The following UGGT2 variants were observed in gnomAD, a reference collection of about 807,000 sequenced individuals.
The protein encoded by UGGT2 is UDP-glucose:glycoprotein glucosyltransferase 2.
A neutral mutation model predicts 192.1 loss-of-function variants in UGGT2; 180 were observed. The observed-to-expected ratio is 0.94, with a 90% CI of 0.83 to 1.06. The LOEUF (loss-of-function observed/expected upper bound fraction) is 1.06, where lower values mean the gene tolerates loss of function less well. Among genes scored for constraint, UGGT2 ranks in the 50% least tolerant of loss-of-function variants. The pLI, the probability that UGGT2 is intolerant of heterozygous loss-of-function variation, is 0.00. For missense variants in UGGT2, 1,849 were observed against 1,795.7 expected, an observed-to-expected ratio of 1.03 and a Z score of -0.54; for synonymous variants, 580 against 591.0, an observed-to-expected ratio of 0.98 and a Z score of 0.27.
intron 15 of UGGT2, among the ~76,000 whole-genome samples, chr13:95,942,785 G>A: frequency 6.6e-6 from 1 of 151,942 alleles, no homozygotes; most frequent in East Asian, 1.9e-4. Context: ...ATGGGCACTG[G>A]TTTTCATTTG....
rs376931012 is a variant in UGGT2, at chr13:95,944,976, T to A, written c.1677+2061A>T. On this transcript the variant is annotated intron_variant, in intron 15 of 38. Coordinates refer to ENST00000376747, the MANE Select transcript of UGGT2 (RefSeq NM_020121.4). Reference sequence around the variant, plus strand: ...TTGTATTGTATATTTTGAAGCTACATACAACTTTAGTACTTTTTCTTAAAG... The same window carrying A: ...TTGTATTGTATATTTTGAAGCTACAAACAACTTTAGTACTTTTTCTTAAAG... 1.9e-4 allele frequency among the ~76,000 whole-genome samples: 29 copies of A among 152,118 alleles called. No homozygotes were observed. The South Asian group carries it at 6.0e-3, about 32-fold the overall frequency.
chr13:95,977,764 T>G (rs145660579), intron 10 of UGGT2, among the ~76,000 whole-genome samples: 16 of 152,266 alleles, frequency 1.1e-4, no homozygotes, highest in African/African-American at 3.6e-4. Context: ...GCAGCATTAT[T>G]TACAACAGCA....
chr13:95,943,037 T>G (rs2049742654), intron 15 of UGGT2, among the ~76,000 whole-genome samples: 1 of 152,146 alleles, frequency 6.6e-6, no homozygotes, highest in Non-Finnish European at 1.5e-5. Flanking sequence ...GTAATGTCAC[T>G]TCTGTATTCT....
intron 7 of UGGT2, chr13:95,991,314 C>T (rs7317285): frequency 0.4 from 113,566 of 286,196 alleles, 23,158 homozygotes; most frequent in Middle Eastern, 0.44. Flanking sequence ...TCTTCCACAA[C>T]GGTTGAACTC....
chr13:95,945,184 A>G (rs1034226550), intron 15 of UGGT2, among the ~76,000 whole-genome samples: 3 of 152,038 alleles, frequency 2.0e-5, no homozygotes, highest in Admixed American at 2.0e-4. Context: ...TCACATTTCA[A>G]TAACTTCCAT....
chr13:95,928,305 C>A (rs1007862342), intron 17 of UGGT2, among the ~76,000 whole-genome samples: 5 of 151,468 alleles, frequency 3.3e-5, no homozygotes, highest in Non-Finnish European at 7.4e-5. Context: ...GGCTGCCCCC[C>A]ACCTCCCCGA....
At chr13:95,826,195 T>G (rs941457025) in intron 38 of UGGT2, among the ~76,000 whole-genome samples, 1 of 152,106 alleles carries the variant, frequency 6.6e-6, no homozygotes, top group Non-Finnish European at 1.5e-5. Context: ...AATATTAAAA[T>G]AGGAATCAAT....
chr13:96,029,824 A>G (rs2052778935), intron 2 of UGGT2, among the ~76,000 whole-genome samples: 1 of 152,234 alleles, frequency 6.6e-6, no homozygotes, highest in Non-Finnish European at 1.5e-5. Context: ...TGCGTCTCCA[A>G]TAAAAAATAG....
chr13:95,903,509 T>G (rs1184924441), intron 20 of UGGT2, among the ~76,000 whole-genome samples: 1 of 152,190 alleles, frequency 6.6e-6, no homozygotes, highest in African/African-American at 2.4e-5. Context: ...AACTTTGCTC[T>G]TCTTTATAGT....
chr13:95,803,887 G>A (rs1884181595), intron 38 of UGGT2, among the ~76,000 whole-genome samples: 1 of 152,012 alleles, frequency 6.6e-6, no homozygotes, highest in African/African-American at 2.4e-5. Flanking sequence ...GGGCCAAGAT[G>A]AATACATAAG....
intron 14 of UGGT2, 62 bp from the exon 15 acceptor site, chr13:95,947,234 T>C (rs1227774207): frequency 1.1e-5 from 16 of 1,423,048 alleles, no homozygotes; most frequent in African/African-American, 7.2e-5. Flanking sequence ...TAAACCATTA[T>C]TTAGAAACGT....
intron 7 of UGGT2, among the ~76,000 whole-genome samples, chr13:95,993,192 TTGGGTATACACGAACATAAAGA>T (rs972948118): frequency 6.6e-6 from 1 of 152,152 alleles, no homozygotes. Flanking sequence ...GAACTAAGCA[TTGGGTATACACGAACATAAAGA>T]TGGGAATAAT....
intron 8 of UGGT2, among the ~76,000 whole-genome samples, chr13:95,987,735 G>C (rs2051333205): frequency 6.6e-6 from 1 of 152,102 alleles, no homozygotes; most frequent in African/African-American, 2.4e-5. Context: ...GACTTGGCTA[G>C]CTAGTCCTAT....
intron 38 of UGGT2, among the ~76,000 whole-genome samples, chr13:95,806,052 A>C (rs1388872465): frequency 1.3e-5 from 2 of 148,270 alleles, no homozygotes; most frequent in East Asian, 1.9e-4. Flanking sequence ...AAAAAAAAAA[A>C]CACACAGTGG....
At chr13:96,013,248 A>T in intron 5 of UGGT2, 59 bp downstream of exon 5, 1 of 1,463,758 alleles carries the variant, frequency 6.8e-7, no homozygotes, top group Non-Finnish European at 9.2e-7. Context: ...TAAGACGATT[A>T]TCATAATAAT....
At position 95,940,094 on chromosome 13, in the gene UGGT2, G is replaced by A. The variant is rs1163080386; in HGVS notation, c.1678-3C>T. On this transcript the variant is annotated splice_polypyrimidine_tract_variant and splice_region_variant and intron_variant, in intron 15 of 38. Transcript: ENST00000376747. ...TCCTTCTTCACTTTTTGGTACATCTGTGAAAATTTAGATATTATAATTAAT... is the reference window on the plus strand; with the variant it reads ...TCCTTCTTCACTTTTTGGTACATCTATGAAAATTTAGATATTATAATTAAT... 2 of 1,452,392 alleles carry A rather than the reference G, an allele frequency of 1.4e-6. No individual in the cohort carries two copies. The highest frequency in any genetic ancestry group is 1.8e-6 in the Non-Finnish European group (2 of 1,084,966). The allele number at this position is 1,452,392 out of a possible 1,614,324, so 90.0% of individuals were successfully genotyped here. A position where few individuals can be genotyped will look rare whatever the true frequency, so the allele number is the denominator to read the frequency against.
At chr13:95,951,628 T>A (rs940858689) in intron 12 of UGGT2, among the ~76,000 whole-genome samples, 1 of 152,234 alleles carries the variant, frequency 6.6e-6, no homozygotes, top group Non-Finnish European at 1.5e-5. Context: ...ACTAAACTTG[T>A]GGTCTGAAGA....
At chr13:95,815,772 A>G (rs1250235809) in intron 38 of UGGT2, among the ~76,000 whole-genome samples, 1 of 152,226 alleles carries the variant, frequency 6.6e-6, no homozygotes, top group Non-Finnish European at 1.5e-5. Context: ...CAGATGGCCA[A>G]TAAGCACAAC....
Position 95,936,934 on chromosome 13 carries a change from T to C in UGGT2, c.1967A>G (p.Glu656Gly). The change falls in exon 17 of 39, where the codon GAA becomes GGA. Residue 656 changes from glutamate (E) to glycine (G), a missense_variant. Transcript: ENST00000376747. ...TAAATGCTTACCTACCAAAAAAACT[T>C]CTCTTTGTAAATATACAGATGCATC... Reference protein sequence around the residue: ...MMDASVYLQREVFLGTLNDRT... With the variant: ...MMDASVYLQRGVFLGTLNDRT... 6.5e-7 allele frequency: 1 copy of C among 1,528,336 alleles called. No homozygotes were observed. The highest frequency in any genetic ancestry group is 2.4e-5 in the Admixed American group (1 of 42,436). 94.7% of individuals were successfully genotyped at this position (1,528,336 alleles called of 1,614,324 possible). A position where few individuals can be genotyped will look rare whatever the true frequency, so the allele number is the denominator to read the frequency against.
Sources: gnomAD v4.1 joint callset for allele counts (sites outside exome capture counted in the v4.1 genomes callset) on GRCh38, gnomAD v4.1.1 for gene constraint, MANE v1.5 for transcripts, NCBI Gene and HGNC (gene_info 2026-07-23, HGNC 2026-07-21) for gene names.